Variants in RARRES1 observed in about 807,000 individuals in gnomAD.
RARRES1 encodes retinoic acid receptor responder 1.
In RARRES1, 34 loss-of-function variants were observed where a neutral mutation model predicts 30.6. That is an observed-to-expected ratio of 1.11 (90% CI 0.84 to 1.48). The LOEUF (loss-of-function observed/expected upper bound fraction) is 1.48, where lower values mean the gene tolerates loss of function less well. RARRES1 is among the 40% of genes most tolerant of loss of function. The pLI is 0.00. For synonymous variants in RARRES1, 153 were observed against 155.5 expected (o/e 0.98, Z 0.12); for missense variants, 373 against 386.5 (o/e 0.97, Z 0.29).
intron 4 of RARRES1, chr3:158,704,590 C>T: frequency 1.5e-6 from 1 of 686,378 alleles, no homozygotes; most frequent in Non-Finnish European, 2.2e-6. Flanking sequence ...TCAATGAGGG[C>T]AGCAACATTG....
At chr3:158,698,710 CT>C (rs1414736417) in intron 4 of RARRES1, among the ~76,000 whole-genome samples, 4 of 150,832 alleles carry the variant, frequency 2.7e-5, no homozygotes, top group Admixed American at 2.6e-4. Context: ...TATCTGTTCA[CT>C]AGTAAAAATG....
chr3:158,732,012 G>A lies in RARRES1; in HGVS notation c.276+128C>T, dbSNP rs1576828621. On this transcript the variant is annotated intron_variant, in intron 1 of 5. Coordinates refer to ENST00000237696, the MANE Select transcript of RARRES1 (RefSeq NM_206963.2). The stretch of plus-strand genomic sequence containing the variant: ...AGGCCCAGCTGGGATCTCCCCGGGC[G>A]TCGTGCGCACTGCACCTTCCCTGGC... The A allele has an allele frequency of 2.0e-5, 20 of 979,296 alleles. No homozygotes were observed. The East Asian group carries it at 6.3e-4, about 31-fold the overall frequency. The allele number at this position is 979,296 out of a possible 1,614,324, so 60.7% of individuals were successfully genotyped here.
intron 3 of RARRES1, among the ~76,000 whole-genome samples, chr3:158,706,342 T>C (rs1186125714): frequency 2.0e-5 from 3 of 152,188 alleles, no homozygotes; most frequent in Non-Finnish European, 4.4e-5. Context: ...TAGGGGAAAC[T>C]TCACAGAGAT....
intron 2 of RARRES1, 150 bp downstream of exon 2, chr3:158,713,647 G>T: frequency 1.4e-6 from 1 of 725,920 alleles, no homozygotes; most frequent in Non-Finnish European, 2.3e-6. Flanking sequence ...GCCTAGTTCT[G>T]TTCTTTAGTT....
chr3:158,699,422 T>G (rs2108128397), intron 4 of RARRES1, among the ~76,000 whole-genome samples: 1 of 138,708 alleles, frequency 7.2e-6, no homozygotes, highest in Non-Finnish European at 1.5e-5. Context: ...TACTAAAGAA[T>G]ACAAAAAAGC....
intron 1 of RARRES1, among the ~76,000 whole-genome samples, chr3:158,720,258 G>A (rs1427816621): frequency 1.4e-5 from 2 of 144,056 alleles, no homozygotes; most frequent in African/African-American, 5.3e-5. Flanking sequence ...GTGTGTGTGT[G>A]TGTGTGTATG....
chr3:158,709,096 C>G (rs1396618881), intron 3 of RARRES1, among the ~76,000 whole-genome samples: 3 of 152,168 alleles, frequency 2.0e-5, no homozygotes, highest in Non-Finnish European at 4.4e-5. Context: ...GACAGCAAAA[C>G]TTACAAGTTT....
chr3:158,715,660 C>T (rs1010751947), intron 1 of RARRES1, among the ~76,000 whole-genome samples: 1 of 152,094 alleles, frequency 6.6e-6, no homozygotes, highest in Non-Finnish European at 1.5e-5. Flanking sequence ...AATCTATAGG[C>T]ATGAGAAAGC....
chr3:158,718,305 A>C (rs1326694501), intron 1 of RARRES1, among the ~76,000 whole-genome samples: 1 of 152,190 alleles, frequency 6.6e-6, no homozygotes, highest in Non-Finnish European at 1.5e-5. Flanking sequence ...ACATTGTGTC[A>C]TTTAAAAGAT....
chr3:158,707,622 CCGT>C (rs760399426), intron 3 of RARRES1, among the ~76,000 whole-genome samples: 1 of 152,130 alleles, frequency 6.6e-6, no homozygotes, highest in Non-Finnish European at 1.5e-5. Flanking sequence ...GGAGGCAAGA[CCGT>C]CTCCTGAAAG....
At chr3:158,700,726 T>C (rs192432534) in intron 4 of RARRES1, among the ~76,000 whole-genome samples, 5 of 152,332 alleles carry the variant, frequency 3.3e-5, no homozygotes, top group African/African-American at 9.6e-5. Context: ...GAAATTATCT[T>C]TTTGGCTTCA....
At chr3:158,728,337 G>T (rs1357731117) in intron 1 of RARRES1, among the ~76,000 whole-genome samples, 1 of 151,852 alleles carries the variant, frequency 6.6e-6, no homozygotes, top group Non-Finnish European at 1.5e-5. Flanking sequence ...CCTAGAATTG[G>T]GAGGGATACC....
chr3:158,728,516 C>CTTTTTTTTTTTTTTT (rs755791546), intron 1 of RARRES1, among the ~76,000 whole-genome samples: 26 of 133,920 alleles, frequency 1.9e-4, no homozygotes, highest in African/African-American at 6.9e-4. Context: ...CTTTTTCTTT[C>CTTTTTTTTTTTTTTT]TTTTTTTTTT....
intron 1 of RARRES1, among the ~76,000 whole-genome samples, chr3:158,716,757 G>T (rs1727335241): frequency 6.6e-6 from 1 of 151,950 alleles, no homozygotes; most frequent in Non-Finnish European, 1.5e-5. Flanking sequence ...CTAATTTTTT[G>T]TATTTTAGTA....
intron 1 of RARRES1, among the ~76,000 whole-genome samples, chr3:158,726,185 A>C (rs1282476882): frequency 1.3e-5 from 2 of 152,028 alleles, no homozygotes; most frequent in Non-Finnish European, 1.5e-5. Context: ...TTAATTCTCC[A>C]GTTTTTGTTT....
intron 1 of RARRES1, 147 bp downstream of exon 1, chr3:158,731,993 A>G (rs1727905549): frequency 1.2e-6 from 1 of 838,764 alleles, no homozygotes; most frequent in Non-Finnish European, 1.6e-6. Context: ...CGCCAGGCCC[A>G]GCTGGGATCT....
In RARRES1 at chr3:158,732,428, G is replaced by T; in HGVS notation, c.-13C>A. On this transcript the variant is annotated 5_prime_UTR_variant, in exon 1 of 6. Transcript: ENST00000237696. ...GGCGGGGCTGCATGGACGCAGGAAA[G>T]TTGGCTCGGCACCCGACAGACACGG... 6.6e-7 allele frequency: 1 copy of T among 1,517,420 alleles called. No homozygotes were observed. Among genetic ancestry groups the T allele is most frequent in the African/African-American group, 1.4e-5 (1 of 70,404 alleles). 94.0% of individuals were successfully genotyped at this position (1,517,420 alleles called of 1,614,324 possible).
At chr3:158,725,737 C>G (rs1233011526) in intron 1 of RARRES1, among the ~76,000 whole-genome samples, 1 of 152,196 alleles carries the variant, frequency 6.6e-6, no homozygotes, top group Non-Finnish European at 1.5e-5. Flanking sequence ...GGCAAAGTGC[C>G]AAGGAGGTCA....
At chr3:158,699,063 TC>T (rs1726640129) in intron 4 of RARRES1, among the ~76,000 whole-genome samples, 1 of 107,830 alleles carries the variant, frequency 9.3e-6, no homozygotes, top group Non-Finnish European at 2.1e-5. Context: ...ATGAGGGAAC[TC>T]TGTCCAAGTG....
Sources: allele counts gnomAD v4.1 joint callset (sites outside exome capture counted in the v4.1 genomes callset), GRCh38; gene constraint gnomAD v4.1.1; transcripts MANE v1.5; gene names NCBI Gene and HGNC (gene_info 2026-07-23, HGNC 2026-07-21).